Variants in GSE1 observed in about 807,000 individuals in gnomAD.
GSE1 encodes the protein Gse1 coiled-coil protein, also known as genetic suppressor element 1.
A neutral mutation model predicts 112.6 loss-of-function variants in GSE1; 32 were observed. The ratio of observed to expected loss-of-function variants is 0.28; its 90% CI spans 0.21 to 0.38. The LOEUF (loss-of-function observed/expected upper bound fraction) is 0.38. GSE1 is among the 10% of genes least tolerant of loss of function. GSE1 has a pLI of 1.00. For synonymous variants in GSE1, 1,115 were observed against 735.6 expected (o/e 1.52, Z -8.35); for missense variants, 2,348 against 1,699.2 (o/e 1.38, Z -6.71).
At chr16:85,257,178 G>A (rs993477802) in intron 1 of GSE1, among the ~76,000 whole-genome samples, 1 of 152,060 alleles carries the variant, frequency 6.6e-6, no homozygotes, top group East Asian at 1.9e-4. Flanking sequence ...GCGCGATCTC[G>A]GCCCACTGCA....
At chr16:85,624,779 C>T (rs141928475) in intron 1 of GSE1, among the ~76,000 whole-genome samples, 26 of 152,232 alleles carry the variant, frequency 1.7e-4, no homozygotes, top group South Asian at 1.2e-3. Flanking sequence ...CCACTGCCTC[C>T]GGGAAGCAGC....
At chr16:85,183,912 C>T (rs2074647475) in intron 1 of GSE1, among the ~76,000 whole-genome samples, 1 of 152,174 alleles carries the variant, frequency 6.6e-6, no homozygotes, top group Admixed American at 6.5e-5. Context: ...ACAGAGATGT[C>T]ATGAGGGTGA....
intron 1 of GSE1, among the ~76,000 whole-genome samples, chr16:85,603,068 T>C (rs577487625): frequency 4.0e-4 from 61 of 152,372 alleles, no homozygotes; most frequent in African/African-American, 1.4e-3. Context: ...CAGCCCTGCT[T>C]GGAGACAGGT....
chr16:85,213,418 A>T (rs1383033956), intron 1 of GSE1, among the ~76,000 whole-genome samples: 1 of 152,096 alleles, frequency 6.6e-6, no homozygotes, highest in Non-Finnish European at 1.5e-5. Flanking sequence ...GTGCCACTGC[A>T]CTCCAGCTTG....
intron 2 of GSE1, among the ~76,000 whole-genome samples, chr16:85,358,494 C>T (rs1364164669): frequency 6.6e-6 from 1 of 152,196 alleles, no homozygotes; most frequent in African/African-American, 2.4e-5. Flanking sequence ...CCCCTGGTGC[C>T]AACCACAGTG....
intron 2 of GSE1, among the ~76,000 whole-genome samples, chr16:85,502,351 G>A (rs1457263442): frequency 2.0e-5 from 3 of 152,216 alleles, no homozygotes; most frequent in Non-Finnish European, 2.9e-5. Flanking sequence ...ATGGCCCTGT[G>A]TGTGCCGCCC....
chr16:85,413,030 C>T (rs1396743289), intron 2 of GSE1, among the ~76,000 whole-genome samples: 1 of 152,208 alleles, frequency 6.6e-6, no homozygotes, highest in Non-Finnish European at 1.5e-5. Context: ...GGCCTGGCTT[C>T]TGGAAGGTTC....
At chr16:85,534,713 G>A (rs1201223809) in intron 2 of GSE1, among the ~76,000 whole-genome samples, 4 of 152,320 alleles carry the variant, frequency 2.6e-5, no homozygotes, top group South Asian at 2.1e-4. Context: ...GGGCCCTCCC[G>A]TCGCTTCTTT....
chr16:85,456,680 C>A (rs896359279), intron 2 of GSE1, among the ~76,000 whole-genome samples: 2 of 145,046 alleles, frequency 1.4e-5, no homozygotes, highest in Non-Finnish European at 3.0e-5. Context: ...GGACTTGAGG[C>A]AGCTAAGTGG....
At chr16:85,556,061 C>T in exon 1 of GSE1, 2 of 984,784 alleles carry the variant, frequency 2.0e-6, no homozygotes, top group South Asian at 4.7e-5. Context: ...TCAATTACCT[C>T]ATTGTGGATC....
At chr16:85,632,137 T>A (rs1169738269) in intron 1 of GSE1, among the ~76,000 whole-genome samples, 1 of 151,976 alleles carries the variant, frequency 6.6e-6, no homozygotes, top group Non-Finnish European at 1.5e-5. Flanking sequence ...AGGATGGGGG[T>A]GCAGGTCCCC....
At chr16:85,462,463 G>A (rs988160833) in intron 2 of GSE1, among the ~76,000 whole-genome samples, 5 of 151,902 alleles carry the variant, frequency 3.3e-5, no homozygotes, top group Non-Finnish European at 7.4e-5. Context: ...ATGCGCCAGT[G>A]CCCAGGTCTG....
intron 2 of GSE1, among the ~76,000 whole-genome samples, chr16:85,463,803 G>T (rs574949345): frequency 6.6e-6 from 1 of 152,306 alleles, no homozygotes; most frequent in East Asian, 1.9e-4. Flanking sequence ...GAGAGAGGGT[G>T]AGCGGGACTC....
intron 2 of GSE1, among the ~76,000 whole-genome samples, chr16:85,461,141 G>A (rs1455460424): frequency 6.6e-6 from 1 of 152,214 alleles, no homozygotes; most frequent in East Asian, 1.9e-4. Flanking sequence ...GCCTTTGCCT[G>A]GTGGGGGATT....
intron 12 of GSE1, among the ~76,000 whole-genome samples, 168 bp downstream of exon 12, chr16:85,665,296 T>G (rs16975778): frequency 0.057 from 8,676 of 152,278 alleles, 860 homozygotes; most frequent in African/African-American, 0.2. Flanking sequence ...TGACAGTCAT[T>G]GGGACGGAAC....
At position 85,656,524 on chromosome 16, in the gene GSE1, C is replaced by G. The variant is rs2051968499; in HGVS notation, c.1171C>G (p.Gln391Glu). Residue 391 changes from glutamine (Q) to glutamate (E), a missense_variant, in exon 7 of 16, where the codon CAG (glutamine) becomes GAG (glutamate). Transcript: ENST00000253458. ...RERELERQRE[Q>E]RAREKELLAA... is the part of the protein sequence containing the mutation. Reference sequence around the variant, plus strand: ...GCGCGAGCTGGAGCGCCAGCGGGAGCAGCGGGCCCGGGAGAAGGAGCTGCT... The same window carrying G: ...GCGCGAGCTGGAGCGCCAGCGGGAGGAGCGGGCCCGGGAGAAGGAGCTGCT... The G allele has an allele frequency of 6.5e-7, 1 of 1,549,126 alleles. No homozygotes were observed. The highest frequency in any genetic ancestry group is 1.4e-5 in the African/African-American group (1 of 73,016).
rs944590586 is a variant in GSE1 at position 85,418,459 on chromosome 16, C to T, written c.2464+60816C>T. Among the ~76,000 whole-genome samples the T allele has an allele frequency of 1.3e-5, 2 of 152,188 alleles. 1 individual carries two copies. The highest frequency in any genetic ancestry group is 4.8e-5 in the African/African-American group (2 of 41,434). ...CCTGTGTTTCTCCTGGCTGCCCATC[C>T]AGATCAGCCCTTAGCACAAGCCCCG... On this transcript the variant is annotated intron_variant, in intron 2 of 2. Transcript: ENST00000637419.
At chr16:85,556,512 C>A in intron 1 of GSE1, 1 of 176,830 alleles carries the variant, frequency 5.7e-6, no homozygotes, top group Non-Finnish European at 1.1e-5. Flanking sequence ...GGCCTCGGAT[C>A]CTCCCGCTGC....
chr16:85,476,428 C>T (rs1383354977), intron 2 of GSE1, among the ~76,000 whole-genome samples: 4 of 152,192 alleles, frequency 2.6e-5, no homozygotes, highest in Non-Finnish European at 5.9e-5. Context: ...CCAGATAAGG[C>T]AGGCAGCCAG....
Sources: allele counts gnomAD v4.1 joint callset (sites outside exome capture counted in the v4.1 genomes callset), GRCh38; gene constraint gnomAD v4.1.1; transcripts MANE v1.5; gene names NCBI Gene and HGNC (gene_info 2026-07-23, HGNC 2026-07-21).